The following FBXL13 variants were observed in gnomAD, a reference collection of about 807,000 sequenced individuals.
FBXL13 encodes the protein F-box and leucine rich repeat protein 13.
In FBXL13, 67 loss-of-function variants were observed where a neutral mutation model predicts 83.6. That is an observed-to-expected ratio of 0.80 (90% CI 0.66 to 0.98). The LOEUF is 0.98. Ranked by LOEUF, FBXL13 falls within the 50% of genes least tolerant of loss-of-function variation. FBXL13 has a pLI of 0.00. For synonymous variants in FBXL13, 272 were observed against 299.5 expected (o/e 0.91, Z 0.95); for missense variants, 822 against 866.5 (o/e 0.95, Z 0.64).
chr7:102,895,570 C>T (rs1435404885), intron 11 of FBXL13, among the ~76,000 whole-genome samples: 1 of 152,214 alleles, frequency 6.6e-6, no homozygotes, highest in African/African-American at 2.4e-5. Context: ...TGCTTCCCAG[C>T]ATGTCTGGTT....
intron 11 of FBXL13, among the ~76,000 whole-genome samples, chr7:102,892,165 G>A (rs1404687286): frequency 2.6e-5 from 4 of 151,988 alleles, no homozygotes; most frequent in Non-Finnish European, 4.4e-5. Context: ...CCTTTTTTCA[G>A]GAATAGGAAA....
intron 10 of FBXL13, among the ~76,000 whole-genome samples, chr7:102,919,170 C>T (rs1816504129): frequency 6.6e-6 from 1 of 152,196 alleles, no homozygotes; most frequent in African/African-American, 2.4e-5. Context: ...ATTTACACCA[C>T]AGAAATCAGT....
chr7:102,909,664 G>A (rs534804973), intron 11 of FBXL13, among the ~76,000 whole-genome samples: 60 of 152,290 alleles, frequency 3.9e-4, no homozygotes, highest in African/African-American at 1.4e-3. Flanking sequence ...CTGGCCCAGA[G>A]TGTGTCTAGA....
intron 8 of FBXL13, among the ~76,000 whole-genome samples, chr7:102,961,600 A>G (rs1825222030): frequency 6.6e-6 from 1 of 151,780 alleles, no homozygotes; most frequent in Non-Finnish European, 1.5e-5. Context: ...ACAAGGCTAC[A>G]GTAAACAAAA....
At chr7:103,039,001 G>C (rs1795375534) in intron 2 of FBXL13, among the ~76,000 whole-genome samples, 1 of 152,174 alleles carries the variant, frequency 6.6e-6, no homozygotes, top group Non-Finnish European at 1.5e-5. Context: ...GGCTTCAGAA[G>C]GTGGGTAATA....
At chr7:102,978,999 G>A (rs1180192331) in intron 6 of FBXL13, among the ~76,000 whole-genome samples, 1 of 152,116 alleles carries the variant, frequency 6.6e-6, no homozygotes, top group Admixed American at 6.5e-5. Context: ...AGCCTCCAGA[G>A]GCATGGAAAT....
chr7:102,954,111 C>G (rs1823858774), intron 8 of FBXL13, among the ~76,000 whole-genome samples: 1 of 152,116 alleles, frequency 6.6e-6, no homozygotes, highest in Admixed American at 6.6e-5. Flanking sequence ...CAGGAAAAGC[C>G]AAAGCAGGGC....
At chr7:103,048,096 T>C (rs970275062) in intron 2 of FBXL13, among the ~76,000 whole-genome samples, 4 of 152,204 alleles carry the variant, frequency 2.6e-5, no homozygotes, top group Non-Finnish European at 4.4e-5. Context: ...TAACTTAACA[T>C]GTTAAATAAT....
chr7:102,962,624 C>T (rs1402666163), intron 8 of FBXL13, among the ~76,000 whole-genome samples: 2 of 152,046 alleles, frequency 1.3e-5, no homozygotes, highest in East Asian at 1.9e-4. Flanking sequence ...AAATGTGGCA[C>T]ATATACACCA....
Position 103,045,302 on chromosome 7 carries a change from T to C in FBXL13, c.-1+10342A>G, listed in dbSNP as rs144466889. Among the ~76,000 whole-genome samples, 61 of 152,336 alleles carry C rather than the reference T, an allele frequency of 4.0e-4. 1 individual carries two copies. In the East Asian group the frequency reaches 0.012, roughly 29 times the overall value. ...ATACTCCTAGTTAGGTTTTCAATCTTGTCTATCTATTAAGCTAGGTTGCAG... is the reference window on the plus strand; with the variant it reads ...ATACTCCTAGTTAGGTTTTCAATCTCGTCTATCTATTAAGCTAGGTTGCAG... On this transcript the variant is annotated intron_variant, in intron 2 of 19. Coordinates refer to ENST00000313221, the Ensembl canonical transcript of FBXL13.
intron 8 of FBXL13, among the ~76,000 whole-genome samples, chr7:102,947,680 T>A (rs1822745977): frequency 6.6e-6 from 1 of 152,120 alleles, no homozygotes; most frequent in Non-Finnish European, 1.5e-5. Context: ...CAATACAAGT[T>A]CATAAGGTTA....
At position 103,038,926 on chromosome 7, in the gene FBXL13, G is replaced by A. The variant is rs542534194; in HGVS notation, c.1-9508C>T. Among the ~76,000 whole-genome samples the A allele has an allele frequency of 3.3e-4, 51 of 152,338 alleles. 1 individual carries two copies. The highest frequency in any genetic ancestry group is 1.2e-3 in the African/African-American group (49 of 41,580). On this transcript the variant is annotated intron_variant, in intron 2 of 19. Transcript: ENST00000313221. ...AGGGCCTATTCTCTTCCAAAGGATCGCAGCTCCTCGCCAGCAAGGGGACAA... is the reference window on the plus strand; with the variant it reads ...AGGGCCTATTCTCTTCCAAAGGATCACAGCTCCTCGCCAGCAAGGGGACAA...
rs536873442 is a variant in FBXL13, at chr7:103,056,465, T to C, written c.-104-718A>G. The stretch of plus-strand genomic sequence containing the variant: ...GGACTCTCCACACTGTTTACTAGTT[T>C]ACTTTTTTTTTGAGCAGAGTCTTGC... On this transcript the variant is annotated intron_variant, in intron 1 of 19. Coordinates refer to ENST00000313221, the Ensembl canonical transcript of FBXL13. Among the ~76,000 whole-genome samples the C allele has an allele frequency of 5.3e-5, 8 of 152,274 alleles. No homozygotes were observed. In the South Asian group the frequency reaches 8.3e-4, roughly 16 times the overall value.
chr7:103,033,795 A>G (rs1290428411), intron 2 of FBXL13, among the ~76,000 whole-genome samples: 2 of 152,158 alleles, frequency 1.3e-5, no homozygotes, highest in Non-Finnish European at 2.9e-5. Flanking sequence ...CGGGTTCCCA[A>G]TGCTGGCTCG....
intron 6 of FBXL13, among the ~76,000 whole-genome samples, chr7:103,020,968 AT>A (rs1191800912): frequency 6.6e-6 from 1 of 152,182 alleles, no homozygotes; most frequent in Non-Finnish European, 1.5e-5. Flanking sequence ...TTCTTCACAG[AT>A]TGGAAAAAAC....
chr7:102,856,267 T>C (rs1411158602), intron 16 of FBXL13, among the ~76,000 whole-genome samples: 1 of 152,252 alleles, frequency 6.6e-6, no homozygotes, highest in Non-Finnish European at 1.5e-5. Flanking sequence ...CAGATGTGGA[T>C]GCTATTTTAT....
At chr7:103,004,340 G>T (rs1194884783) in intron 6 of FBXL13, among the ~76,000 whole-genome samples, 1 of 152,180 alleles carries the variant, frequency 6.6e-6, no homozygotes, top group African/African-American at 2.4e-5. Context: ...ATCATAGGCT[G>T]GCGGAGGAGG....
intron 18 of FBXL13, among the ~76,000 whole-genome samples, chr7:102,826,769 A>G (rs6465874): frequency 0.39 from 39,028 of 100,582 alleles, 8,895 homozygotes; most frequent in African/African-American, 0.59. Flanking sequence ...ATATATATAT[A>G]TATGTATATA....
At chr7:102,928,782 A>T (rs188942567) in intron 9 of FBXL13, among the ~76,000 whole-genome samples, 1 of 152,380 alleles carries the variant, frequency 6.6e-6, no homozygotes, top group Non-Finnish European at 1.5e-5. Context: ...AAACAACTTC[A>T]TTATAATGAC....
Sources: gnomAD v4.1 joint callset for allele counts (sites outside exome capture counted in the v4.1 genomes callset) on GRCh38, gnomAD v4.1.1 for gene constraint, MANE v1.5 for transcripts, NCBI Gene and HGNC (gene_info 2026-07-23, HGNC 2026-07-21) for gene names.